Variants in HSD17B12 observed in about 807,000 individuals in gnomAD.
HSD17B12 encodes the protein very-long-chain 3-oxoacyl-CoA reductase.
In HSD17B12, 32 loss-of-function variants were observed where a neutral mutation model predicts 39.3. The ratio of observed to expected loss-of-function variants is 0.81; its 90% CI spans 0.61 to 1.09. The LOEUF (loss-of-function observed/expected upper bound fraction) is 1.09. Ranked by LOEUF, HSD17B12 falls within the 50% of genes least tolerant of loss-of-function variation. HSD17B12 has a pLI of 0.00. For synonymous variants in HSD17B12, 150 were observed against 146.7 expected, an observed-to-expected ratio of 1.02 and a Z score of -0.16; for missense variants, 342 against 382.9, an observed-to-expected ratio of 0.89 and a Z score of 0.89.
At chr11:43,680,407 A>G (rs11037557), upstream of HSD17B12, among the ~76,000 whole-genome samples, 4 of 152,138 alleles carry the variant, frequency 2.6e-5, no homozygotes, top group Non-Finnish European at 5.9e-5. Flanking sequence ...TCCATTCACT[A>G]GCGGCTTCTC....
the HSD17B12 span, among the ~76,000 whole-genome samples, chr11:43,627,814 A>G: frequency 6.6e-6 from 1 of 151,912 alleles, no homozygotes; most frequent in African/African-American, 2.4e-5. Flanking sequence ...AATGTTTGAA[A>G]ACTCTCAATA....
At chr11:43,832,362 A>G (rs368159144) in intron 7 of HSD17B12, among the ~76,000 whole-genome samples, 28 of 152,238 alleles carry the variant, frequency 1.8e-4, no homozygotes, top group African/African-American at 6.3e-4. Flanking sequence ...GAGGTATTGT[A>G]AAAGGAATTT....
intron 1 of HSD17B12, among the ~76,000 whole-genome samples, chr11:43,707,339 A>C (rs1950026005): frequency 1.3e-5 from 2 of 152,170 alleles, no homozygotes; most frequent in African/African-American, 2.4e-5. Flanking sequence ...GATAGAGAGG[A>C]AGTTTGTATC....
chr11:43,616,841 G>A, the HSD17B12 span, among the ~76,000 whole-genome samples: 26 of 150,154 alleles, frequency 1.7e-4, no homozygotes, highest in African/African-American at 2.0e-4. Flanking sequence ...GAATGGTGGC[G>A]GGGGCCAGTA....
the HSD17B12 span, among the ~76,000 whole-genome samples, chr11:43,617,991 G>A: frequency 5.9e-5 from 9 of 152,256 alleles, no homozygotes; most frequent in African/African-American, 1.9e-4. Flanking sequence ...AACAAAATAG[G>A]TGGTGTTTGT....
At chr11:43,686,595 G>GTTT (rs368909117) in intron 1 of HSD17B12, among the ~76,000 whole-genome samples, 17 of 131,990 alleles carry the variant, frequency 1.3e-4, no homozygotes, top group Non-Finnish European at 1.6e-4. Flanking sequence ...CTCCCACCCT[G>GTTT]TTTTTTTTTT....
intron 6 of HSD17B12, among the ~76,000 whole-genome samples, chr11:43,822,902 G>A (rs549588457): frequency 2.6e-5 from 4 of 152,140 alleles, no homozygotes; most frequent in African/African-American, 7.2e-5. Flanking sequence ...CTGGGAAATC[G>A]CCACACTGAC....
At chr11:43,653,620 T>A in the HSD17B12 span, among the ~76,000 whole-genome samples, 1 of 152,096 alleles carries the variant, frequency 6.6e-6, no homozygotes, top group Non-Finnish European at 1.5e-5. Flanking sequence ...CTTATTGTTC[T>A]ATTCCCACCT....
chr11:43,588,638 A>ATTATTATTATT, the HSD17B12 span, among the ~76,000 whole-genome samples: 17 of 62,864 alleles, frequency 2.7e-4, no homozygotes, highest in East Asian at 0.015. Flanking sequence ...TTATTATTAT[A>ATTATTATTATT]GTGTTCTCTT....
intron 3 of HSD17B12, among the ~76,000 whole-genome samples, chr11:43,755,822 G>A (rs1950503425): frequency 6.6e-6 from 1 of 152,170 alleles, no homozygotes; most frequent in Non-Finnish European, 1.5e-5. Flanking sequence ...AAAACAGAGT[G>A]TATTCGTCTG....
chr11:43,661,048 C>T, the HSD17B12 span, among the ~76,000 whole-genome samples: 10 of 152,150 alleles, frequency 6.6e-5, no homozygotes, highest in African/African-American at 2.4e-4. Context: ...TTGCTTGAAC[C>T]TGGTTGGCAG....
At chr11:43,742,052 C>T (rs1243122781) in intron 1 of HSD17B12, among the ~76,000 whole-genome samples, 1 of 148,540 alleles carries the variant, frequency 6.7e-6, no homozygotes, top group African/African-American at 2.5e-5. Context: ...ATTTTCTATC[C>T]AACTACAGCT....
At position 43,792,304 on chromosome 11, in the gene HSD17B12, G is replaced by A. The variant is rs1432935608; in HGVS notation, c.284-6016G>A. 2.0e-5 allele frequency among the ~76,000 whole-genome samples: 3 copies of A among 152,156 alleles called. No individual in the cohort carries two copies. In the South Asian group the frequency reaches 6.2e-4, roughly 32 times the overall value. On this transcript the variant is annotated intron_variant, in intron 3 of 10. Transcript: ENST00000278353. ...TGCATCTTTTAAATCTCTAAATACT[G>A]TAAAACATAATTTTAGTGAAAATGG...
chr11:43,604,929 G>C, the HSD17B12 span, among the ~76,000 whole-genome samples: 1 of 152,164 alleles, frequency 6.6e-6, no homozygotes, highest in Non-Finnish European at 1.5e-5. Flanking sequence ...TGCTAACTCT[G>C]TGAGTTTTAA....
chr11:43,565,780 T>G, the HSD17B12 span, among the ~76,000 whole-genome samples: 2 of 152,098 alleles, frequency 1.3e-5, no homozygotes, highest in African/African-American at 4.8e-5. Flanking sequence ...TCTTAGAAAA[T>G]GAAAAAGAGG....
the HSD17B12 span, among the ~76,000 whole-genome samples, chr11:43,571,623 T>C: frequency 6.6e-6 from 1 of 152,202 alleles, no homozygotes; most frequent in Non-Finnish European, 1.5e-5. Flanking sequence ...GAAAAGCAGA[T>C]ATTGTCTCAA....
At position 43,854,883 on chromosome 11, in the gene HSD17B12, T is replaced by A; in HGVS notation, c.834+19T>A. ...TCTTATGGTAGGTAGATTTTTTGAATCACAAATCAATACTTTCTGGCTTGG... is the reference window on the plus strand; with the variant it reads ...TCTTATGGTAGGTAGATTTTTTGAAACACAAATCAATACTTTCTGGCTTGG... On this transcript the variant is annotated intron_variant, in intron 10 of 10. Coordinates refer to ENST00000278353, the MANE Select transcript of HSD17B12 (RefSeq NM_016142.3). 1 of 1,612,392 alleles carries A rather than the reference T, an allele frequency of 6.2e-7. No homozygotes were observed. Among genetic ancestry groups the A allele is most frequent in the Middle Eastern group, 1.7e-4 (1 of 6,054 alleles).
chr11:43,699,296 T>C (rs1293815587), intron 1 of HSD17B12, among the ~76,000 whole-genome samples: 2 of 152,162 alleles, frequency 1.3e-5, no homozygotes, highest in Non-Finnish European at 2.9e-5. Flanking sequence ...AGAGTTCTTT[T>C]TCTTTAGCTT....
intron 1 of HSD17B12, among the ~76,000 whole-genome samples, chr11:43,700,557 T>G (rs1029936454): frequency 6.6e-6 from 1 of 152,156 alleles, no homozygotes; most frequent in African/African-American, 2.4e-5. Flanking sequence ...GTTTTGAGTT[T>G]TAGAGCCCAT....
Sources: allele counts gnomAD v4.1 joint callset (sites outside exome capture counted in the v4.1 genomes callset), GRCh38; gene constraint gnomAD v4.1.1; transcripts MANE v1.5; gene names NCBI Gene and HGNC (gene_info 2026-07-23, HGNC 2026-07-21).